Variants in ZBBX observed in about 807,000 individuals in gnomAD.
ZBBX encodes zinc finger B-box domain containing.
In ZBBX, 101 loss-of-function variants were observed where a neutral mutation model predicts 108.5. That is an observed-to-expected ratio of 0.93 (90% CI 0.79 to 1.10). ZBBX has a LOEUF of 1.10. Among genes scored for constraint, ZBBX ranks in the 50% least tolerant of loss-of-function variants. The pLI is 0.00. For synonymous variants in ZBBX, 356 were observed against 323.4 expected, an observed-to-expected ratio of 1.10 and a Z score of -1.08; for missense variants, 1,009 against 941.4, an observed-to-expected ratio of 1.07 and a Z score of -0.94.
intron 20 of ZBBX, among the ~76,000 whole-genome samples, chr3:167,245,972 G>A (rs1721503687): frequency 6.6e-6 from 1 of 152,150 alleles, no homozygotes; most frequent in Non-Finnish European, 1.5e-5. Context: ...AAAGAAATGT[G>A]GGAGTAGCTT....
chr3:167,270,802 T>C (rs1726388756), intron 20 of ZBBX, among the ~76,000 whole-genome samples: 1 of 152,230 alleles, frequency 6.6e-6, no homozygotes, highest in Non-Finnish European at 1.5e-5. Context: ...GTTATTTTGC[T>C]GGAAAAAGAT....
chr3:167,404,149 AC>A (rs1306334966), intron 1 of ZBBX, among the ~76,000 whole-genome samples: 1 of 152,200 alleles, frequency 6.6e-6, no homozygotes, highest in Admixed American at 6.5e-5. Context: ...TGAATAGCCA[AC>A]AAAGTAAACT....
At chr3:167,245,772 A>G (rs1467531630) in intron 20 of ZBBX, among the ~76,000 whole-genome samples, 1 of 151,992 alleles carries the variant, frequency 6.6e-6, no homozygotes, top group African/African-American at 2.4e-5. Flanking sequence ...TGAGGCCTCC[A>G]CAGCCATGCT....
Position 167,316,996 on chromosome 3 carries a change from T to A in ZBBX, c.1194+9A>T, listed in dbSNP as rs763638352. The A allele has an allele frequency of 2.5e-5, 38 of 1,530,166 alleles. No individual in the cohort carries two copies. Among genetic ancestry groups the A allele is most frequent in the Non-Finnish European group, 3.3e-5 (37 of 1,111,236 alleles). 94.8% of individuals were successfully genotyped at this position (1,530,166 alleles called of 1,614,324 possible). A position where few individuals can be genotyped will look rare whatever the true frequency, so the allele number is the denominator to read the frequency against. On this transcript the variant is annotated intron_variant, in intron 14 of 21. Coordinates refer to ENST00000675490, the MANE Select transcript of ZBBX (RefSeq NM_001199201.2). ...ATCATGAATGGTCATTATGCACTTA[T>A]GCACTTACATCATCCAGTTCGACTA...
intron 1 of ZBBX, among the ~76,000 whole-genome samples, chr3:167,387,676 C>T (rs561714242): frequency 3.9e-4 from 59 of 151,990 alleles, no homozygotes; most frequent in Admixed American, 3.2e-3. Flanking sequence ...CATACAATTC[C>T]GTGAAGGGAA....
At chr3:167,208,842 G>A in the ZBBX span, among the ~76,000 whole-genome samples, 6 of 152,078 alleles carry the variant, frequency 3.9e-5, no homozygotes, top group Non-Finnish European at 8.8e-5. Context: ...ACACAGTGGG[G>A]TAACACCAAG....
intron 19 of ZBBX, among the ~76,000 whole-genome samples, chr3:167,288,196 A>G (rs1730050856): frequency 6.6e-6 from 1 of 152,172 alleles, no homozygotes; most frequent in South Asian, 2.1e-4. Flanking sequence ...AACCCACTAT[A>G]GCTGGTATAA....
chr3:167,266,342 G>A (rs1725469258), intron 20 of ZBBX, among the ~76,000 whole-genome samples: 1 of 152,134 alleles, frequency 6.6e-6, no homozygotes, highest in East Asian at 1.9e-4. Flanking sequence ...TCTTCAAAAG[G>A]TTTAGCCTGT....
At chr3:167,270,534 G>A (rs1401006758) in intron 20 of ZBBX, among the ~76,000 whole-genome samples, 1 of 152,184 alleles carries the variant, frequency 6.6e-6, no homozygotes, top group Non-Finnish European at 1.5e-5. Flanking sequence ...AAATAATGGA[G>A]TGGCTATAGG....
Position 167,305,817 on chromosome 3 carries a change from T to C in ZBBX, c.1551A>G (p.Gln517=). Residue 517 remains glutamine, a synonymous_variant, in exon 17 of 22, where the codon CAA becomes CAG. Coordinates refer to ENST00000675490, the MANE Select transcript of ZBBX (RefSeq NM_001199201.2). ...KEKNIGLESN[Q]KSDDSCVSLE... ...GTGATACACAGGAATCATCAGACTT[T>C]TGATTACTTTCTAAACCTATATTTT... The C allele has an allele frequency of 6.2e-7, 1 of 1,612,794 alleles. No individual in the cohort carries two copies. The highest frequency in any genetic ancestry group is 8.5e-7 in the Non-Finnish European group (1 of 1,179,392).
intron 5 of ZBBX, among the ~76,000 whole-genome samples, chr3:167,367,983 T>C (rs923194743): frequency 4.2e-5 from 2 of 47,352 alleles, no homozygotes; most frequent in African/African-American, 2.1e-4. Context: ...TATATATATA[T>C]ATATACATAT....
intron 20 of ZBBX, among the ~76,000 whole-genome samples, chr3:167,277,240 A>G (rs575290921): frequency 6.6e-6 from 1 of 152,258 alleles, no homozygotes; most frequent in Admixed American, 6.5e-5. Flanking sequence ...ATTCACACAT[A>G]ACAATATTAA....
At chr3:167,260,657 T>C (rs374948892) in intron 20 of ZBBX, among the ~76,000 whole-genome samples, 1 of 152,234 alleles carries the variant, frequency 6.6e-6, no homozygotes, top group East Asian at 1.9e-4. Flanking sequence ...TCTAAAAGTG[T>C]GTCCAAAGTT....
intron 20 of ZBBX, among the ~76,000 whole-genome samples, chr3:167,277,459 A>G (rs1576861429): frequency 1.3e-5 from 2 of 152,292 alleles, no homozygotes; most frequent in African/African-American, 4.8e-5. Flanking sequence ...CTAGTCTCTG[A>G]TAAAACAGAC....
chr3:167,372,337 C>T (rs1388208686), intron 4 of ZBBX, among the ~76,000 whole-genome samples: 1 of 152,166 alleles, frequency 6.6e-6, no homozygotes, highest in African/African-American at 2.4e-5. Context: ...TCTCCCATAC[C>T]CCTGCAAGGT....
the ZBBX span, among the ~76,000 whole-genome samples, chr3:167,209,146 A>G: frequency 2.7e-5 from 4 of 148,310 alleles, no homozygotes; most frequent in Non-Finnish European, 6.1e-5. Context: ...CAGCCTTAGA[A>G]GAATAGAGCA....
At chr3:167,208,977 G>C in the ZBBX span, among the ~76,000 whole-genome samples, 5 of 152,218 alleles carry the variant, frequency 3.3e-5, no homozygotes, top group South Asian at 1.0e-3. Flanking sequence ...TTCACCACAA[G>C]CTGGCTGAAG....
At chr3:167,199,378 T>C in the ZBBX span, among the ~76,000 whole-genome samples, 1 of 152,182 alleles carries the variant, frequency 6.6e-6, no homozygotes, top group Admixed American at 6.5e-5. Flanking sequence ...AGTGAGACTC[T>C]CAGGCAAGTA....
chr3:167,239,793 G>T (rs916786150), downstream of ZBBX, among the ~76,000 whole-genome samples: 5 of 151,994 alleles, frequency 3.3e-5, no homozygotes, highest in African/African-American at 1.2e-4. Flanking sequence ...AAAGTATATG[G>T]TGTATTAGTC....
Sources: allele counts gnomAD v4.1 joint callset (sites outside exome capture counted in the v4.1 genomes callset), GRCh38; gene constraint gnomAD v4.1.1; transcripts MANE v1.5; gene names NCBI Gene and HGNC (gene_info 2026-07-23, HGNC 2026-07-21).